GFOD2: variants seen among roughly 807,000 people sequenced by gnomAD.
GFOD2 encodes Gfo/Idh/MocA-like oxidoreductase domain containing 2.
A neutral mutation model predicts 24.6 loss-of-function variants in GFOD2; 9 were observed. The ratio of observed to expected loss-of-function variants is 0.37; its 90% confidence interval spans 0.22 to 0.64. The LOEUF is 0.64. Ranked by LOEUF, GFOD2 falls within the 30% of genes least tolerant of loss-of-function variation. The pLI is 0.65. For synonymous variants in GFOD2, 211 were observed against 224.8 expected (o/e 0.94, Z 0.55); for missense variants, 476 against 532.5 (o/e 0.89, Z 1.04).
intron 1 of GFOD2, among the ~76,000 whole-genome samples, chr16:67,694,163 T>A (rs562734670): frequency 9.3e-4 from 141 of 152,070 alleles, no homozygotes; most frequent in Non-Finnish European, 1.4e-3. Flanking sequence ...CCTGGCTAAT[T>A]TTTTTGTATT....
Position 67,676,016 on chromosome 16 carries a change from T to G in GFOD2, c.297A>C (p.Thr99=). Residue 99 remains threonine (T), a synonymous_variant, in exon 3 of 3, where the codon ACA becomes ACC. Coordinates refer to ENST00000268797, the MANE Select transcript of GFOD2 (RefSeq NM_030819.4). Reference sequence around the variant, plus strand: ...TCACCATCCGGAAGGCATCCACCGATGTTGCTGCCTTCTCGCAAACCACAT... The same window carrying G: ...TCACCATCCGGAAGGCATCCACCGAGGTTGCTGCCTTCTCGCAAACCACAT... ...GKNVVCEKAA[T]SVDAFRMVTA... 1 of 1,613,632 alleles carries G rather than the reference T, an allele frequency of 6.2e-7. No homozygotes were observed. The highest frequency in any genetic ancestry group is 8.5e-7 in the Non-Finnish European group (1 of 1,179,658).
At chr16:67,695,364 C>T (rs1365887806) in intron 1 of GFOD2, among the ~76,000 whole-genome samples, 3 of 151,980 alleles carry the variant, frequency 2.0e-5, no homozygotes, top group Non-Finnish European at 4.4e-5. Context: ...TCTTAGAAAA[C>T]AGGTCAAGCA....
intron 2 of GFOD2, chr16:67,677,447 G>C (rs943212876): frequency 6.6e-6 from 1 of 152,204 alleles, no homozygotes; most frequent in South Asian, 2.1e-4. Context: ...CTGACCTCAG[G>C]TGATCCACCC....
chr16:67,715,122 G>A (rs767009652), intron 1 of GFOD2, among the ~76,000 whole-genome samples: 6 of 151,834 alleles, frequency 4.0e-5, no homozygotes, highest in South Asian at 2.1e-4. Context: ...GCAATGGCAC[G>A]ATCTTGGCTT....
chr16:67,700,703 C>T (rs1056389441), intron 1 of GFOD2, among the ~76,000 whole-genome samples: 2 of 151,252 alleles, frequency 1.3e-5, no homozygotes, highest in African/African-American at 2.4e-5. Flanking sequence ...CAGAGCAAGA[C>T]TCCATCTCAA....
intron 2 of GFOD2, chr16:67,683,144 T>A: frequency 1.1e-6 from 1 of 925,120 alleles, no homozygotes; most frequent in Non-Finnish European, 1.3e-6. Context: ...AACTTTTTTG[T>A]AGAGACGGGA....
rs756235582 is a variant in GFOD2 at position 67,675,246 on chromosome 16, C to T, written c.1067G>A (p.Arg356Gln). The T allele has an allele frequency of 8.7e-6, 14 of 1,613,376 alleles. No individual in the cohort carries two copies. The Admixed American group carries it at 1.2e-4, about 13-fold the overall frequency. Residue 356 changes from arginine (R) to glutamine (Q), a missense_variant, in exon 3 of 3, where the codon CGA becomes CAA. Physicochemically the swap from Arg to Gln is conservative, Grantham distance 43. Coordinates refer to ENST00000268797, the MANE Select transcript of GFOD2 (RefSeq NM_030819.4). ...CTCCACAGCCTCCCACTCCCCGGAT[C>T]GGCTCGACCTCTTGATGGCATCCAC... is the stretch of plus-strand genomic sequence containing the variant. ...SVVDAIKRSS[R>Q]SGEWEAVEVL...
intron 2 of GFOD2, chr16:67,681,257 G>A: frequency 3.0e-6 from 3 of 985,478 alleles, no homozygotes; most frequent in Non-Finnish European, 3.6e-6. Flanking sequence ...TGGCGACAGA[G>A]TGGATACTGC....
chr16:67,678,728 G>GAA (rs1474765718), intron 2 of GFOD2, among the ~76,000 whole-genome samples: 2 of 152,170 alleles, frequency 1.3e-5, no homozygotes, highest in East Asian at 3.9e-4. Flanking sequence ...TACAGGGGAA[G>GAA]AAAGGAGGAC....
chr16:67,688,771 G>T (rs1448530839), intron 1 of GFOD2, among the ~76,000 whole-genome samples: 4 of 126,662 alleles, frequency 3.2e-5, no homozygotes, highest in African/African-American at 6.2e-5. Context: ...GTCTCGCTCT[G>T]TCGCCCAGGC....
intron 1 of GFOD2, among the ~76,000 whole-genome samples, chr16:67,687,808 T>TA (rs11302700): frequency 1.6e-4 from 20 of 121,440 alleles, no homozygotes; most frequent in South Asian, 8.4e-4. Context: ...CCATCTTTAC[T>TA]AAAAAAAAAA....
chr16:67,713,611 ACTT>A (rs1346193169), intron 1 of GFOD2, among the ~76,000 whole-genome samples: 3 of 152,160 alleles, frequency 2.0e-5, no homozygotes, highest in Non-Finnish European at 4.4e-5. Flanking sequence ...GGAAACACTT[ACTT>A]ATATTTACTG....
chr16:67,684,591 G>A lies in GFOD2; in HGVS notation c.259+866C>T, dbSNP rs9673964. On this transcript the variant is annotated intron_variant, in intron 2 of 2. Coordinates refer to ENST00000268797, the MANE Select transcript of GFOD2 (RefSeq NM_030819.4). The stretch of plus-strand genomic sequence containing the variant: ...GGCACCTGTAATCCCAGCTACTTGG[G>A]AGGCTGAGGCAGGAGAATCACTTGA... The A allele has an allele frequency of 9.4e-3, 1,990 of 212,076 alleles. 28 individuals carry two copies. The highest frequency in any genetic ancestry group is 0.035 in the African/African-American group (1,478 of 42,392). 13.1% of individuals were successfully genotyped at this position (212,076 alleles called of 1,614,324 possible). A position where few individuals can be genotyped will look rare whatever the true frequency, so the allele number is the denominator to read the frequency against.
intron 2 of GFOD2, among the ~76,000 whole-genome samples, chr16:67,679,521 G>A (rs917049153): frequency 2.0e-5 from 3 of 152,056 alleles, no homozygotes; most frequent in Admixed American, 1.3e-4. Flanking sequence ...GAGCCACCGC[G>A]TCGGCCCCAG....
intron 1 of GFOD2, among the ~76,000 whole-genome samples, chr16:67,701,610 AGAC>A (rs1375317306): frequency 6.6e-6 from 1 of 152,208 alleles, no homozygotes; most frequent in East Asian, 1.9e-4. Context: ...GGCTAAGTGT[AGAC>A]AACAAAGGGG....
chr16:67,675,745 T>C lies in GFOD2; in HGVS notation c.568A>G (p.Thr190Ala). Residue 190 changes from threonine (T) to alanine (A), a missense_variant, in exon 3 of 3, where the codon ACC (threonine) becomes GCC (alanine). Physicochemically the swap from Thr to Ala is moderately conservative, Grantham distance 58. Coordinates refer to ENST00000268797, the MANE Select transcript of GFOD2 (RefSeq NM_030819.4). The part of the protein sequence containing the change: ...TYIVDLLTHL[T>A]GRRAEKVHGL... ...TGCACCTTCTCGGCTCTCCGGCCGG[T>C]CAGGTGGGTCAGCAGGTCCACAATG... The C allele has an allele frequency of 6.2e-7, 1 of 1,614,028 alleles. No homozygotes were observed. The highest frequency in any genetic ancestry group is 8.5e-7 in the Non-Finnish European group (1 of 1,180,016).
At chr16:67,681,322 A>T in intron 2 of GFOD2, 1 of 985,464 alleles carries the variant, frequency 1.0e-6, no homozygotes, top group Non-Finnish European at 1.2e-6. Flanking sequence ...TATGACTGCT[A>T]GGAGTTTGGT....
At chr16:67,700,872 GAA>G (rs752539263) in intron 1 of GFOD2, among the ~76,000 whole-genome samples, 8 of 118,068 alleles carry the variant, frequency 6.8e-5, no homozygotes, top group Admixed American at 9.2e-5. Context: ...GTTCCTACTA[GAA>G]AAAAAAAAAA....
rs987634251 is a variant in GFOD2, at chr16:67,702,404, G to T, written c.-87-16602C>A. 3.3e-5 allele frequency among the ~76,000 whole-genome samples: 5 copies of T among 151,824 alleles called. No individual in the cohort carries two copies. In the South Asian group the frequency reaches 8.3e-4, roughly 25 times the overall value. On this transcript the variant is annotated intron_variant, in intron 1 of 2. Transcript: ENST00000268797. The stretch of plus-strand genomic sequence containing the variant: ...CAGAAGAATCACTTGAACCTGGGAG[G>T]CAGAGGTTGCAGTGAACAGAGATCA...
Sources: allele counts gnomAD v4.1 joint callset (sites outside exome capture counted in the v4.1 genomes callset), GRCh38; gene constraint gnomAD v4.1.1; transcripts MANE v1.5; gene names NCBI Gene and HGNC (gene_info 2026-07-23, HGNC 2026-07-21).